The following RAB27A variants were observed in gnomAD, a reference collection of about 807,000 sequenced individuals.
The protein encoded by RAB27A is RAB27A, member RAS oncogene family, also known as ras-related protein Rab-27A.
In RAB27A, 17 loss-of-function variants were observed where a neutral mutation model predicts 20.8. The observed-to-expected ratio is 0.82, with a 90% CI of 0.56 to 1.23. RAB27A has a LOEUF of 1.23. Ranked by LOEUF, RAB27A falls within the 50% of genes most tolerant of loss-of-function variation. The pLI is 0.00. For synonymous variants in RAB27A, 85 were observed against 92.8 expected, an observed-to-expected ratio of 0.92 and a Z score of 0.48; for missense variants, 277 against 266.7, an observed-to-expected ratio of 1.04 and a Z score of -0.27.
chr15:55,250,023 C>T (rs1199986258), intron 2 of RAB27A, among the ~76,000 whole-genome samples: 4 of 152,048 alleles, frequency 2.6e-5, no homozygotes, highest in African/African-American at 4.8e-5. Context: ...GTGCAGTGGC[C>T]TGATCTCGGG....
At chr15:55,287,974 G>A (rs576303697) in intron 1 of RAB27A, among the ~76,000 whole-genome samples, 2 of 152,206 alleles carry the variant, frequency 1.3e-5, no homozygotes, top group Admixed American at 1.3e-4. Context: ...TCTCAACAGA[G>A]GTGCCAAAAC....
At chr15:55,280,094 A>T (rs1438742730) in intron 1 of RAB27A, among the ~76,000 whole-genome samples, 1 of 152,054 alleles carries the variant, frequency 6.6e-6, no homozygotes, top group Non-Finnish European at 1.5e-5. Context: ...AAAAAGAAAA[A>T]CTATGCTGTG....
intron 2 of RAB27A, among the ~76,000 whole-genome samples, chr15:55,303,289 C>G (rs1444148096): frequency 1.0e-5 from 1 of 98,596 alleles, no homozygotes; most frequent in African/African-American, 4.9e-5. Context: ...TGGCCAGCCG[C>G]CCCGTCCGGG....
intron 5 of RAB27A, among the ~76,000 whole-genome samples, chr15:55,224,791 A>C (rs1895730703): frequency 6.6e-6 from 1 of 152,248 alleles, no homozygotes; most frequent in South Asian, 2.1e-4. Context: ...TTAAGGCCTA[A>C]ACGTTCACAG....
At chr15:55,243,413 G>C (rs1188205681) in intron 2 of RAB27A, among the ~76,000 whole-genome samples, 1 of 151,980 alleles carries the variant, frequency 6.6e-6, no homozygotes, top group African/African-American at 2.4e-5. Context: ...CCAGCACTTT[G>C]GGAGGCCGAG....
intron 2 of RAB27A, among the ~76,000 whole-genome samples, chr15:55,248,309 GTCT>G (rs1896764596): frequency 6.6e-6 from 1 of 152,046 alleles, no homozygotes; most frequent in South Asian, 2.1e-4. Flanking sequence ...CCTCTCTACA[GTCT>G]TCTTCCTCTC....
At chr15:55,251,031 T>C (rs1405577065) in intron 2 of RAB27A, among the ~76,000 whole-genome samples, 2 of 152,232 alleles carry the variant, frequency 1.3e-5, no homozygotes, top group East Asian at 3.8e-4. Flanking sequence ...TAGAAAATCA[T>C]TGCAGAAAGG....
chr15:55,211,373 T>C (rs529529968), intron 6 of RAB27A, among the ~76,000 whole-genome samples: 4 of 152,322 alleles, frequency 2.6e-5, no homozygotes, highest in African/African-American at 4.8e-5. Context: ...ATATTAATTA[T>C]TCCAGTCCAA....
chr15:55,261,332 G>A (rs575179527), intron 2 of RAB27A, among the ~76,000 whole-genome samples: 83 of 152,090 alleles, frequency 5.5e-4, no homozygotes, highest in African/African-American at 1.9e-3. Flanking sequence ...GGGCAGCAGA[G>A]GTTTCAGTGA....
At chr15:55,311,993 G>C (rs1219364803) in intron 2 of RAB27A, among the ~76,000 whole-genome samples, 1 of 152,204 alleles carries the variant, frequency 6.6e-6, no homozygotes, top group Non-Finnish European at 1.5e-5. Context: ...CCAAGGAATG[G>C]AATCTTGGGC....
At chr15:55,318,713 C>T (rs1401825798) in intron 1 of RAB27A, among the ~76,000 whole-genome samples, 1 of 103,094 alleles carries the variant, frequency 9.7e-6, no homozygotes, top group Non-Finnish European at 1.7e-5. Context: ...AAAAAAAAAA[C>T]AAAAACAAAA....
At chr15:55,313,305 A>G (rs2055029057) in intron 2 of RAB27A, among the ~76,000 whole-genome samples, 1 of 152,142 alleles carries the variant, frequency 6.6e-6, no homozygotes, top group Non-Finnish European at 1.5e-5. Flanking sequence ...ATAGTCGATG[A>G]GACGAGCGGA....
At chr15:55,308,941 T>G (rs1033471588) in intron 2 of RAB27A, among the ~76,000 whole-genome samples, 8 of 152,236 alleles carry the variant, frequency 5.3e-5, no homozygotes, top group Admixed American at 2.6e-4. Flanking sequence ...TATTCAGGTA[T>G]GCCACGGGTT....
chr15:55,205,419 C>G lies in RAB27A; in HGVS notation c.*88G>C. 1 of 1,333,790 alleles carries G rather than the reference C, an allele frequency of 7.5e-7. No homozygotes were observed. Among genetic ancestry groups the G allele is most frequent in the Non-Finnish European group, 1.1e-6 (1 of 926,558 alleles). 82.6% of individuals were successfully genotyped at this position (1,333,790 alleles called of 1,614,324 possible). On this transcript the variant is annotated 3_prime_UTR_variant, in exon 7 of 7. Coordinates refer to ENST00000336787, the MANE Select transcript of RAB27A (RefSeq NM_183235.3). ...GTGAGAAGCAATTTGTACACAATGC[C>G]CATTAATCTCTCACTGTGCCATGTA...
chr15:55,289,647 GACGCCTCGC>G (rs1566937715), intron 1 of RAB27A, 60 bp downstream of exon 1: 2 of 152,612 alleles, frequency 1.3e-5, no homozygotes, highest in African/African-American at 4.8e-5. Context: ...GCCCCAGGGG[GACGCCTCGC>G]TCGGCCCTCC....
chr15:55,252,372 G>A (rs947625655), intron 2 of RAB27A, among the ~76,000 whole-genome samples: 1 of 152,192 alleles, frequency 6.6e-6, no homozygotes, highest in African/African-American at 2.4e-5. Context: ...GGCAGGCCAA[G>A]GCAGGTGGAT....
At chr15:55,279,013 T>G (rs1414555403) in intron 1 of RAB27A, among the ~76,000 whole-genome samples, 2 of 152,154 alleles carry the variant, frequency 1.3e-5, no homozygotes, top group Non-Finnish European at 2.9e-5. Context: ...CTCACATCTA[T>G]GCACCCCACA....
intron 2 of RAB27A, among the ~76,000 whole-genome samples, chr15:55,246,045 C>A (rs1896672197): frequency 6.6e-6 from 1 of 151,786 alleles, no homozygotes; most frequent in South Asian, 2.1e-4. Context: ...TGCACTCCAG[C>A]CTGGGCGACA....
At chr15:55,270,838 T>C (rs975086573) in intron 1 of RAB27A, 4 of 152,112 alleles carry the variant, frequency 2.6e-5, no homozygotes, top group Admixed American at 1.3e-4. Context: ...GCATCTCAAA[T>C]CCAGCATGTC....
Sources: gnomAD v4.1 joint callset for allele counts (sites outside exome capture counted in the v4.1 genomes callset) on GRCh38, gnomAD v4.1.1 for gene constraint, MANE v1.5 for transcripts, NCBI Gene and HGNC (gene_info 2026-07-23, HGNC 2026-07-21) for gene names.